Variants in ZNF232 observed in about 807,000 individuals in gnomAD.
ZNF232 encodes the protein zinc finger protein 232.
Under a neutral mutation model 25.2 loss-of-function variants are expected in ZNF232, and 25 were observed. The observed-to-expected ratio is 0.99, with a 90% confidence interval of 0.72 to 1.39. ZNF232 has a LOEUF of 1.39. Ranked by LOEUF, ZNF232 falls within the 40% of genes most tolerant of loss-of-function variation. The pLI, the probability that ZNF232 is intolerant of heterozygous loss-of-function variation, is 0.00. For missense variants in ZNF232, 519 were observed against 520.9 expected (o/e 1.00, Z 0.04); for synonymous variants, 193 against 182.9 (o/e 1.06, Z -0.45).
chr17:5,107,892 A>T (rs2072300337), intron 3 of ZNF232, among the ~76,000 whole-genome samples: 1 of 151,480 alleles, frequency 6.6e-6, no homozygotes, highest in Non-Finnish European at 1.5e-5. Context: ...TGGTTAAAAA[A>T]ATCTGAAATA....
intron 1 of ZNF232, among the ~76,000 whole-genome samples, chr17:5,122,779 G>A (rs371373081): frequency 1.3e-5 from 2 of 152,238 alleles, no homozygotes; most frequent in Admixed American, 6.5e-5. Flanking sequence ...TCTCAGGTCC[G>A]GTAGGGCGAG....
chr17:5,118,565 C>T (rs114151986), intron 1 of ZNF232, among the ~76,000 whole-genome samples: 2 of 152,300 alleles, frequency 1.3e-5, no homozygotes, highest in African/African-American at 4.8e-5. Context: ...GGCCCCTAGC[C>T]CCATTGCGTG....
rs989147259 is a variant in ZNF232 at position 5,105,838 on chromosome 17, C to A, written c.1294G>T (p.Glu432Ter). 1.3e-6 allele frequency: 2 copies of A among 1,586,624 alleles called. No individual in the cohort carries two copies. Among genetic ancestry groups the A allele is most frequent in the African/African-American group, 2.7e-5 (2 of 73,752 alleles). ...TCCCCTTCAATTCAATGGGAAGGCT[C>A]TTTTCTGGCATGAACTCTCCGATGT... The change falls in exon 4 of 4, where the codon GAG becomes TAG. Residue 432 changes from glutamate (E) to a stop codon, truncating the protein, a stop_gained. Coordinates refer to ENST00000575898, the Ensembl canonical transcript of ZNF232. LOFTEE classifies it high-confidence loss of function.
upstream of ZNF232, chr17:5,111,877 G>C: frequency 1.9e-6 from 3 of 1,608,470 alleles, no homozygotes; most frequent in Non-Finnish European, 2.5e-6. Context: ...GGGCAGGTTT[G>C]CGCCTGCGCA....
At chr17:5,108,974 G>A (rs941363818) in exon 3 of ZNF232, 10 of 1,614,040 alleles carry the variant, frequency 6.2e-6, no homozygotes, top group Non-Finnish European at 8.5e-6. Context: ...TGGATGCTCA[G>A]TGCTTCCTGG....
intron 1 of ZNF232, among the ~76,000 whole-genome samples, chr17:5,117,745 G>A (rs1034755696): frequency 6.6e-6 from 1 of 152,092 alleles, no homozygotes; most frequent in African/African-American, 2.4e-5. Flanking sequence ...TTAGGAGGCT[G>A]CGATAATAGT....
chr17:5,108,676 C>T (rs900581505), intron 3 of ZNF232: 9 of 416,156 alleles, frequency 2.2e-5, no homozygotes, highest in African/African-American at 1.4e-4. Flanking sequence ...GCTGGCCAGG[C>T]TTTATATCCA....
intron 1 of ZNF232, chr17:5,120,502 CCTAT>C (rs368349871): frequency 6.1e-5 from 20 of 327,110 alleles, no homozygotes; most frequent in African/African-American, 3.7e-4. Context: ...GAGCTGTTGG[CCTAT>C]CTGTGTCTGT....
chr17:5,112,174 G>A (rs2072432993), upstream of ZNF232: 1 of 369,602 alleles, frequency 2.7e-6, no homozygotes, highest in Admixed American at 4.4e-5. Flanking sequence ...GTACCTGAAG[G>A]GCGGTGCTGG....
chr17:5,114,628 G>C (rs537161413), upstream of ZNF232: 4 of 152,404 alleles, frequency 2.6e-5, no homozygotes, highest in African/African-American at 2.4e-5. Flanking sequence ...TCAGGAGTTC[G>C]AGACCAGCCT....
chr17:5,114,215 A>G (rs1047164542), upstream of ZNF232: 1 of 152,130 alleles, frequency 6.6e-6, no homozygotes, highest in African/African-American at 2.4e-5. Context: ...CTGATTGAAA[A>G]TTCTTCCACG....
chr17:5,109,684 T>C, exon 2 of ZNF232: 1 of 1,614,202 alleles, frequency 6.2e-7, no homozygotes, highest in Non-Finnish European at 8.5e-7. Context: ...GTAGAGTGGT[T>C]CCCAGGTAGC....
exon 2 of ZNF232, chr17:5,109,604 G>T (rs759120689): frequency 1.9e-6 from 3 of 1,614,206 alleles, no homozygotes; most frequent in Non-Finnish European, 1.7e-6. Flanking sequence ...GTTGGCTCAA[G>T]GCCTCCCGGG....
At chr17:5,110,658 G>A (rs893044940) in intron 1 of ZNF232, among the ~76,000 whole-genome samples, 2 of 152,152 alleles carry the variant, frequency 1.3e-5, no homozygotes, top group Admixed American at 1.3e-4. Flanking sequence ...TCATTCAAAT[G>A]CCAAAGCCCT....
intron 1 of ZNF232, among the ~76,000 whole-genome samples, chr17:5,117,373 G>A (rs1200001860): frequency 6.6e-6 from 1 of 152,030 alleles, no homozygotes; most frequent in Admixed American, 6.5e-5. Context: ...AAAATTAGCC[G>A]GGTGTGGAGG....
At position 5,111,800 on chromosome 17, in the gene ZNF232, C is replaced by T; in HGVS notation, c.23G>A (p.Arg8Lys). Reference sequence around the variant, plus strand: ...CGGGGAAGCCGCCGCCAACACTCACCTCACAGGACCAGGAGGTTCCATCGG... The same window carrying T: ...CGGGGAAGCCGCCGCCAACACTCACTTCACAGGACCAGGAGGTTCCATCGG... The change falls in exon 1 of 4, where the codon AGG becomes AAG. Residue 8 changes from arginine to lysine, a missense_variant and splice_region_variant. Transcript: ENST00000575898. The T allele has an allele frequency of 4.3e-6, 7 of 1,613,882 alleles. No homozygotes were observed. In the East Asian group the frequency reaches 8.9e-5, roughly 21 times the overall value.
chr17:5,110,989 C>T (rs1037465054), intron 1 of ZNF232: 6 of 152,190 alleles, frequency 3.9e-5, no homozygotes, highest in Admixed American at 3.9e-4. Flanking sequence ...ACTGAATCCA[C>T]ATGTTGCACG....
At chr17:5,112,112 A>C, upstream of ZNF232, 1 of 513,516 alleles carries the variant, frequency 1.9e-6, no homozygotes, top group South Asian at 2.9e-5. Flanking sequence ...GTGGAGAGTG[A>C]GCCCTTGTAA....
chr17:5,109,649 G>GC lies in ZNF232; in HGVS notation c.242dup (p.Phe82LeufsTer25). The GC allele has an allele frequency of 6.8e-6, 11 of 1,614,230 alleles. No homozygotes were observed. Among genetic ancestry groups the GC allele is most frequent in the Non-Finnish European group, 9.3e-6 (11 of 1,180,038 alleles). On this transcript the variant is annotated frameshift_variant, in exon 2 of 4. Coordinates refer to ENST00000575898, the Ensembl canonical transcript of ZNF232. LOFTEE classifies it high-confidence loss of function. ...TCTCCTGGTAGCGGAGATGCCTGAA[G>GC]CGTTGGCGGAAGATCTCTTGACTGG...
Sources: allele counts gnomAD v4.1 joint callset (sites outside exome capture counted in the v4.1 genomes callset), GRCh38; gene constraint gnomAD v4.1.1; transcripts MANE v1.5; gene names NCBI Gene and HGNC (gene_info 2026-07-23, HGNC 2026-07-21).